Variants in ABTB2 observed in about 807,000 individuals in gnomAD.
The protein encoded by ABTB2 is ankyrin repeat and BTB/POZ domain-containing protein 2.
A neutral mutation model predicts 104.1 loss-of-function variants in ABTB2; 56 were observed. That is an observed-to-expected ratio of 0.54 (90% confidence interval 0.43 to 0.67). The LOEUF is 0.67. ABTB2 is among the 30% of genes least tolerant of loss of function. The pLI, the probability that ABTB2 is intolerant of heterozygous loss-of-function variation, is 0.00. For missense variants in ABTB2, 1,279 were observed against 1,407.7 expected (o/e 0.91, Z 1.46); for synonymous variants, 606 against 608.2 (o/e 1.00, Z 0.05).
At position 34,356,234 on chromosome 11, in the gene ABTB2, C is replaced by A. The variant is rs1855463059; in HGVS notation, c.883+467G>T. Among the ~76,000 whole-genome samples, 1 of 152,192 alleles carries A rather than the reference C, an allele frequency of 6.6e-6. No homozygotes were observed. Among genetic ancestry groups the A allele is most frequent in the African/African-American group, 2.4e-5 (1 of 41,446 alleles). The stretch of plus-strand genomic sequence containing the variant: ...ACTTCCCTCCGCCCATCTTACTTAT[C>A]CAAGGTTCAGGTCTTTAAGTTGGGA... On this transcript the variant is annotated intron_variant, in intron 1 of 16. Coordinates refer to ENST00000435224, the MANE Select transcript of ABTB2 (RefSeq NM_145804.3). The surrounding 1 kb of genome is among the most constrained non-coding windows in gnomAD (Gnocchi z 4.6).
Position 34,318,248 on chromosome 11 carries a change from G to C in ABTB2, c.883+38453C>G, listed in dbSNP as rs551480615. On this transcript the variant is annotated intron_variant, in intron 1 of 16. Transcript: ENST00000435224. ...ACTCCCAAAGTGCTGGGATTTATAG[G>C]CATGAGTCACTGTGCCTGGCTCCAC... Among the ~76,000 whole-genome samples the C allele has an allele frequency of 1.7e-4, 26 of 152,218 alleles. No individual in the cohort carries two copies. In the South Asian group the frequency reaches 5.4e-3, roughly 32 times the overall value.
chr11:34,240,756 C>T (rs1208055374), intron 1 of ABTB2, among the ~76,000 whole-genome samples: 1 of 141,476 alleles, frequency 7.1e-6, no homozygotes. Context: ...CCACACCCAG[C>T]TAATTTTTTA....
At chr11:34,309,570 T>G (rs1362512666) in intron 1 of ABTB2, among the ~76,000 whole-genome samples, 2 of 152,080 alleles carry the variant, frequency 1.3e-5, no homozygotes, top group Non-Finnish European at 2.9e-5. Context: ...CAAATCTCAC[T>G]GCTCAGAAAT....
At chr11:34,159,237 G>T in intron 14 of ABTB2, 59 bp downstream of exon 14, 1 of 1,350,982 alleles carries the variant, frequency 7.4e-7, no homozygotes, top group Non-Finnish European at 1.1e-6. Flanking sequence ...TGCCCACAAG[G>T]TGGGCTCCTG....
At chr11:34,259,996 G>A (rs976005175) in intron 1 of ABTB2, among the ~76,000 whole-genome samples, 7 of 152,032 alleles carry the variant, frequency 4.6e-5, no homozygotes, top group African/African-American at 1.7e-4. Flanking sequence ...TTTTCTAGAG[G>A]TGGGGTTTTG....
intron 1 of ABTB2, among the ~76,000 whole-genome samples, chr11:34,289,522 T>C (rs925745927): frequency 2.6e-5 from 4 of 152,188 alleles, no homozygotes; most frequent in Non-Finnish European, 5.9e-5. Context: ...ATTTGCCTCC[T>C]AAAGCTATAC....
At chr11:34,303,317 A>G (rs1016058322) in intron 1 of ABTB2, among the ~76,000 whole-genome samples, 1 of 152,222 alleles carries the variant, frequency 6.6e-6, no homozygotes, top group African/African-American at 2.4e-5. Flanking sequence ...CACAGCCTAC[A>G]AATGTTTTCT....
intron 1 of ABTB2, among the ~76,000 whole-genome samples, chr11:34,279,033 A>G (rs572235892): frequency 1.3e-5 from 2 of 152,320 alleles, no homozygotes; most frequent in South Asian, 2.1e-4. Flanking sequence ...CCATGGGTAT[A>G]ATGTGTCTGC....
At position 34,230,451 on chromosome 11, in the gene ABTB2, C is replaced by G. The variant is rs551924985; in HGVS notation, c.884-25761G>C. Among the ~76,000 whole-genome samples the G allele has an allele frequency of 5.3e-4, 81 of 152,180 alleles. No individual in the cohort carries two copies. The Middle Eastern group carries it at 0.01, about 19-fold the overall frequency. Reference sequence around the variant, plus strand: ...ATACCTAAAATAACTTTCGGGGAGCCCTGAGGGTTGAGTGAGAACCTAGGG... The same window carrying G: ...ATACCTAAAATAACTTTCGGGGAGCGCTGAGGGTTGAGTGAGAACCTAGGG... On this transcript the variant is annotated intron_variant, in intron 1 of 16. Coordinates refer to ENST00000435224, the MANE Select transcript of ABTB2 (RefSeq NM_145804.3).
At chr11:34,345,070 C>T (rs571566082) in intron 1 of ABTB2, among the ~76,000 whole-genome samples, 1 of 152,322 alleles carries the variant, frequency 6.6e-6, no homozygotes, top group East Asian at 1.9e-4. Context: ...AGAGAGTGAC[C>T]TTGTGGAAAT....
intron 1 of ABTB2, among the ~76,000 whole-genome samples, chr11:34,349,867 C>T (rs942957955): frequency 5.3e-5 from 8 of 152,110 alleles, no homozygotes; most frequent in East Asian, 3.9e-4. Context: ...AACTAAGGCA[C>T]GGAAGTGAAA....
intron 14 of ABTB2, among the ~76,000 whole-genome samples, chr11:34,155,725 T>C (rs1248310105): frequency 6.6e-6 from 1 of 152,146 alleles, no homozygotes; most frequent in East Asian, 1.9e-4. Flanking sequence ...TCAGGAGATG[T>C]TGGCCAAGGC....
At chr11:34,351,414 C>CT (rs5790989) in intron 1 of ABTB2, among the ~76,000 whole-genome samples, 23,829 of 152,010 alleles carry the variant, frequency 0.16, 3,240 homozygotes, top group African/African-American at 0.36. Flanking sequence ...AGCCCTTCCT[C>CT]TTGGGTATTG....
At chr11:34,264,583 T>A (rs938800205) in intron 1 of ABTB2, among the ~76,000 whole-genome samples, 3 of 152,226 alleles carry the variant, frequency 2.0e-5, no homozygotes, top group Non-Finnish European at 4.4e-5. Context: ...TTTGTCTACC[T>A]TTTTCTTTCA....
chr11:34,202,163 G>T (rs867837796), intron 2 of ABTB2, among the ~76,000 whole-genome samples: 2 of 152,340 alleles, frequency 1.3e-5, no homozygotes, highest in Middle Eastern at 3.4e-3. Flanking sequence ...GGTGATCAGT[G>T]CTTTAATAAA....
At chr11:34,311,426 C>T (rs1854851980) in intron 1 of ABTB2, among the ~76,000 whole-genome samples, 1 of 152,202 alleles carries the variant, frequency 6.6e-6, no homozygotes, top group African/African-American at 2.4e-5. Context: ...AGCTCCAAAC[C>T]AATCCAAATA....
At chr11:34,159,167 C>G in intron 14 of ABTB2, 129 bp downstream of exon 14, 1 of 695,712 alleles carries the variant, frequency 1.4e-6, no homozygotes, top group Non-Finnish European at 2.5e-6. Context: ...ATGCTCTATT[C>G]ATTCAACAGA....
intron 1 of ABTB2, among the ~76,000 whole-genome samples, chr11:34,313,622 A>G (rs949972488): frequency 6.6e-6 from 1 of 152,230 alleles, no homozygotes; most frequent in Non-Finnish European, 1.5e-5. Flanking sequence ...GAGTTGTTAC[A>G]ATACACATTT....
intron 1 of ABTB2, among the ~76,000 whole-genome samples, chr11:34,327,830 C>T (rs1855088979): frequency 6.6e-6 from 1 of 152,168 alleles, no homozygotes; most frequent in Admixed American, 6.5e-5. Context: ...ATGTTTTCTG[C>T]TGCTATGACC....
Sources: allele counts gnomAD v4.1 joint callset (sites outside exome capture counted in the v4.1 genomes callset), GRCh38; gene constraint gnomAD v4.1.1; non-coding constraint Gnocchi (gnomAD v3.1); transcripts MANE v1.5; gene names NCBI Gene and HGNC (gene_info 2026-07-23, HGNC 2026-07-21).